ALPK1: variants seen among roughly 807,000 people sequenced by gnomAD.
ALPK1 encodes the protein alpha-protein kinase 1.
Under a neutral mutation model 120.6 loss-of-function variants are expected in ALPK1, and 110 were observed. That is an observed-to-expected ratio of 0.91 (90% CI 0.78 to 1.07). The LOEUF is 1.07. ALPK1 is among the 50% of genes least tolerant of loss of function. The pLI is 0.00. For synonymous variants in ALPK1, 582 were observed against 560.3 expected (o/e 1.04, Z -0.55); for missense variants, 1,498 against 1,483.9 (o/e 1.01, Z -0.16).
chr4:112,376,927 A>T (rs1031962497), intron 2 of ALPK1, among the ~76,000 whole-genome samples: 2 of 152,210 alleles, frequency 1.3e-5, no homozygotes, highest in Non-Finnish European at 2.9e-5. Context: ...ATGTTTTTCT[A>T]TGAATTTGTC....
Position 112,344,654 on chromosome 4 carries a change from A to G in ALPK1, c.-101+28802A>G, listed in dbSNP as rs1444976602. Among the ~76,000 whole-genome samples, 4 of 152,238 alleles carry G rather than the reference A, an allele frequency of 2.6e-5. No homozygotes were observed. In the East Asian group the frequency reaches 7.7e-4, roughly 29 times the overall value. On this transcript the variant is annotated intron_variant, in intron 2 of 15. Coordinates refer to ENST00000650871, the MANE Select transcript of ALPK1 (RefSeq NM_025144.4). ...AAGGCAAATGGTTTTAAAAGCATTC[A>G]TGGGGTCAAAGACTCCTGGAAATTC...
chr4:112,407,960 A>G (rs1303722370), intron 4 of ALPK1, among the ~76,000 whole-genome samples: 1 of 152,002 alleles, frequency 6.6e-6, no homozygotes, highest in Non-Finnish European at 1.5e-5. Flanking sequence ...TACAAAAATT[A>G]GCCGGGCGTG....
Position 112,356,460 on chromosome 4 carries a change from T to A in ALPK1, c.-100-21218T>A. ...CTACACGGACATCCCAAAGATCATT[T>A]ACGCCTTTAGGACCCACTCGCAACT... is the stretch of plus-strand genomic sequence containing the variant. On this transcript the variant is annotated intron_variant, in intron 2 of 15. Coordinates refer to ENST00000650871, the MANE Select transcript of ALPK1 (RefSeq NM_025144.4). The A allele has an allele frequency of 3.2e-6, 3 of 948,434 alleles. No individual in the cohort carries two copies. In the South Asian group the frequency reaches 3.8e-5, roughly 12 times the overall value. The allele number at this position is 948,434 out of a possible 1,614,324, so 58.8% of individuals were successfully genotyped here.
chr4:112,390,973 G>A (rs901654390), intron 4 of ALPK1, among the ~76,000 whole-genome samples: 5 of 152,302 alleles, frequency 3.3e-5, no homozygotes, highest in African/African-American at 1.2e-4. Context: ...GAAGTGGAAA[G>A]AGGAAGCATA....
intron 2 of ALPK1, among the ~76,000 whole-genome samples, chr4:112,344,864 T>C (rs189787168): frequency 6.6e-6 from 1 of 152,350 alleles, no homozygotes; most frequent in Admixed American, 6.5e-5. Flanking sequence ...CTCTCCACCT[T>C]GTCTTTTGGT....
At chr4:112,402,437 C>T (rs1368817432) in intron 4 of ALPK1, among the ~76,000 whole-genome samples, 1 of 152,168 alleles carries the variant, frequency 6.6e-6, no homozygotes. Flanking sequence ...TAGCAAGAGC[C>T]CTTAGAAAAG....
intron 4 of ALPK1, among the ~76,000 whole-genome samples, chr4:112,411,265 C>T (rs1306342575): frequency 2.0e-5 from 3 of 152,220 alleles, no homozygotes; most frequent in East Asian, 3.8e-4. Flanking sequence ...CGCTCTGTCG[C>T]CCAGGCTGGA....
At chr4:112,353,209 C>T (rs1730442903) in intron 2 of ALPK1, among the ~76,000 whole-genome samples, 1 of 152,126 alleles carries the variant, frequency 6.6e-6, no homozygotes, top group African/African-American at 2.4e-5. Context: ...CTCCTGGGCT[C>T]AAGTGATCTG....
chr4:112,437,415 T>C (rs1734833002), intron 12 of ALPK1, among the ~76,000 whole-genome samples: 1 of 152,158 alleles, frequency 6.6e-6, no homozygotes, highest in African/African-American at 2.4e-5. Flanking sequence ...TGTTCTCAGA[T>C]TGATGATCCC....
chr4:112,358,610 A>T, intron 2 of ALPK1: 2 of 724,224 alleles, frequency 2.8e-6, no homozygotes, highest in East Asian at 5.4e-5. Context: ...CCTGGAGCAC[A>T]GCGAACAGTG....
chr4:112,302,980 G>A (rs1354118793), intron 1 of ALPK1, among the ~76,000 whole-genome samples: 1 of 152,104 alleles, frequency 6.6e-6, no homozygotes, highest in Non-Finnish European at 1.5e-5. Context: ...TATTTTCTCT[G>A]TCTCTCTTTC....
chr4:112,439,214 C>T (rs200145990), intron 13 of ALPK1, among the ~76,000 whole-genome samples: 2 of 152,118 alleles, frequency 1.3e-5, no homozygotes, highest in East Asian at 1.9e-4. Context: ...TTTTTAGACC[C>T]GTCTTTTCCT....
intron 2 of ALPK1, among the ~76,000 whole-genome samples, chr4:112,338,394 C>T (rs1313430910): frequency 6.6e-6 from 1 of 151,828 alleles, no homozygotes; most frequent in Non-Finnish European, 1.5e-5. Flanking sequence ...TACTTTTTTT[C>T]TACCTTGTTT....
chr4:112,328,593 C>T (rs952961361), intron 2 of ALPK1, among the ~76,000 whole-genome samples: 4 of 152,342 alleles, frequency 2.6e-5, no homozygotes, highest in African/African-American at 9.6e-5. Context: ...CTGACAGAGA[C>T]TTCTGGAGTG....
intron 2 of ALPK1, among the ~76,000 whole-genome samples, chr4:112,350,680 G>C (rs535308315): frequency 6.6e-6 from 1 of 152,294 alleles, no homozygotes; most frequent in Non-Finnish European, 1.5e-5. Context: ...TCAGGACTCT[G>C]CACTCTTATC....
In ALPK1 at chr4:112,411,846, T is replaced by C. The variant is rs1369844951; in HGVS notation, c.296T>C (p.Ile99Thr). 6.2e-7 allele frequency: 1 copy of C among 1,612,904 alleles called. No individual in the cohort carries two copies. ...QQLLASLRAS[I>T]LARDCAAAAA... The stretch of plus-strand genomic sequence containing the variant: ...CTCCAGGCGTCCCTGAGGGCCTCCA[T>C]CCTCGCTCGGGACTGTGCGGCTGCG... Residue 99 changes from isoleucine (I) to threonine (T), a missense_variant, in exon 5 of 16, where the codon ATC becomes ACC. Physicochemically the swap from Ile to Thr is moderately conservative, Grantham distance 89 (BLOSUM62 -1). Transcript: ENST00000650871.
intron 2 of ALPK1, among the ~76,000 whole-genome samples, chr4:112,354,798 T>C (rs549336215): frequency 6.6e-6 from 1 of 152,152 alleles, no homozygotes; most frequent in Non-Finnish European, 1.5e-5. Context: ...GTGACAATAA[T>C]TTTTGCATCA....
At chr4:112,304,279 G>T (rs190310747) in intron 1 of ALPK1, among the ~76,000 whole-genome samples, 5 of 151,986 alleles carry the variant, frequency 3.3e-5, no homozygotes, top group Non-Finnish European at 7.4e-5. Flanking sequence ...ATGGGATGGC[G>T]GGGTCAAATG....
intron 4 of ALPK1, among the ~76,000 whole-genome samples, chr4:112,392,304 C>T (rs755426503): frequency 3.3e-5 from 5 of 152,144 alleles, no homozygotes; most frequent in Admixed American, 6.5e-5. Flanking sequence ...CTACAAACCA[C>T]CCAGTTCCCC....
Sources: allele counts gnomAD v4.1 joint callset (sites outside exome capture counted in the v4.1 genomes callset), GRCh38; gene constraint gnomAD v4.1.1; transcripts MANE v1.5; gene names NCBI Gene and HGNC (gene_info 2026-07-23, HGNC 2026-07-21).